Variants in AOPEP observed in about 807,000 individuals in gnomAD.
AOPEP encodes aminopeptidase O.
AOPEP carries 77 observed loss-of-function variants against 98.1 expected under a neutral mutation model. The ratio of observed to expected loss-of-function variants is 0.78; its 90% CI spans 0.65 to 0.95. AOPEP has a LOEUF of 0.95. AOPEP is among the 40% of genes least tolerant of loss of function. AOPEP has a pLI of 0.00. For missense variants in AOPEP, 1,024 were observed against 1,024.7 expected (o/e 1.00, Z 0.01); for synonymous variants, 346 against 365.3 (o/e 0.95, Z 0.60).
intron 13 of AOPEP, among the ~76,000 whole-genome samples, chr9:95,045,719 A>G (rs1675059344): frequency 6.6e-6 from 1 of 152,036 alleles, no homozygotes; most frequent in Non-Finnish European, 1.5e-5. Flanking sequence ...TCGTGCTTCT[A>G]ATTTAAATAG....
At chr9:95,060,915 C>CA in intron 14 of AOPEP, 105 bp downstream of exon 14, 1 of 766,770 alleles carries the variant, frequency 1.3e-6, no homozygotes, top group Non-Finnish European at 2.4e-6. Context: ...TTTCTATTAG[C>CA]AAAATCTCAT....
intron 1 of AOPEP, among the ~76,000 whole-genome samples, chr9:94,742,496 C>T (rs977215504): frequency 8.6e-5 from 13 of 151,684 alleles, no homozygotes; most frequent in South Asian, 2.1e-4. Flanking sequence ...TGCAGTGGCG[C>T]GATCCTTGGC....
chr9:94,903,641 A>G (rs2050727785), intron 5 of AOPEP, among the ~76,000 whole-genome samples: 1 of 136,234 alleles, frequency 7.3e-6, no homozygotes, highest in African/African-American at 2.7e-5. Flanking sequence ...AAAAAAAAAC[A>G]GTTTTCAAGT....
chr9:94,760,878 A>G (rs947232025), intron 2 of AOPEP: 60 of 258,350 alleles, frequency 2.3e-4, no homozygotes, highest in Non-Finnish European at 4.0e-4. Flanking sequence ...CTCCATTGAG[A>G]TCTCTGCTGG....
intron 3 of AOPEP, among the ~76,000 whole-genome samples, chr9:94,784,435 G>A (rs1227373254): frequency 1.3e-5 from 2 of 152,080 alleles, no homozygotes; most frequent in Non-Finnish European, 2.9e-5. Context: ...CTCATGAACT[G>A]ACTACTCCTT....
chr9:94,798,161 C>A (rs1847441098), intron 4 of AOPEP, among the ~76,000 whole-genome samples: 1 of 152,172 alleles, frequency 6.6e-6, no homozygotes, highest in Non-Finnish European at 1.5e-5. Context: ...GTTTCCTGAT[C>A]CCTATGTGGG....
chr9:94,973,357 C>T (rs10993422), intron 10 of AOPEP, among the ~76,000 whole-genome samples: 11,820 of 152,206 alleles, frequency 0.078, 1,150 homozygotes, highest in African/African-American at 0.23. Flanking sequence ...ATCAACTGAG[C>T]GAGCAAATAC....
At chr9:94,943,572 C>T (rs549515439) in intron 7 of AOPEP, among the ~76,000 whole-genome samples, 11 of 145,490 alleles carry the variant, frequency 7.6e-5, no homozygotes, top group African/African-American at 1.8e-4. Context: ...CCAGCCTAGG[C>T]GACAGAGTGG....
intron 16 of AOPEP, chr9:95,085,927 C>T: frequency 7.9e-7 from 1 of 1,267,314 alleles, no homozygotes; most frequent in Non-Finnish European, 1.0e-6. Flanking sequence ...CTTGTATTTG[C>T]AGTCCAGGCC....
chr9:94,774,446 TC>T (rs1841635108), intron 3 of AOPEP, among the ~76,000 whole-genome samples: 1 of 152,070 alleles, frequency 6.6e-6, no homozygotes, highest in African/African-American at 2.4e-5. Context: ...ACATTTCCTT[TC>T]AGTATTTAAA....
chr9:95,030,681 T>C (rs530414401), intron 13 of AOPEP, among the ~76,000 whole-genome samples: 211 of 151,274 alleles, frequency 1.4e-3, no homozygotes, highest in East Asian at 8.8e-3. Flanking sequence ...CTGTGTCTCT[T>C]CTTCCTCTCT....
chr9:94,771,963 C>G (rs1325408050), intron 2 of AOPEP, among the ~76,000 whole-genome samples: 2 of 152,132 alleles, frequency 1.3e-5, no homozygotes, highest in African/African-American at 4.8e-5. Flanking sequence ...TTTCTCTTTT[C>G]CATACTAGAC....
chr9:94,733,111 T>C (rs1460679476), intron 1 of AOPEP, among the ~76,000 whole-genome samples: 2 of 149,696 alleles, frequency 1.3e-5, no homozygotes, highest in African/African-American at 4.9e-5. Flanking sequence ...TTCTCTTTTT[T>C]TTTTTTTTTT....
At chr9:95,016,575 C>T (rs1016040722) in intron 13 of AOPEP, among the ~76,000 whole-genome samples, 2 of 151,894 alleles carry the variant, frequency 1.3e-5, no homozygotes, top group African/African-American at 4.8e-5. Context: ...GGTTGTCATT[C>T]AGATAGCATC....
chr9:94,743,193 A>G (rs7853392), intron 1 of AOPEP, among the ~76,000 whole-genome samples: 219 of 121,986 alleles, frequency 1.8e-3, no homozygotes, highest in African/African-American at 5.9e-3. Flanking sequence ...AAGAAGAAGA[A>G]GAAGAAGAGG....
intron 5 of AOPEP, among the ~76,000 whole-genome samples, chr9:94,875,986 A>G (rs887552444): frequency 6.6e-6 from 1 of 152,260 alleles, no homozygotes; most frequent in African/African-American, 2.4e-5. Flanking sequence ...TACTATTATG[A>G]TGACTTCCAA....
intron 9 of AOPEP, among the ~76,000 whole-genome samples, chr9:94,966,954 A>C (rs189786023): frequency 7.9e-4 from 120 of 152,274 alleles, no homozygotes; most frequent in African/African-American, 2.8e-3. Context: ...AGTAAATAAG[A>C]GATATTTACT....
At chr9:94,928,808 G>A (rs934440664) in intron 7 of AOPEP, 8 of 357,042 alleles carry the variant, frequency 2.2e-5, no homozygotes, top group East Asian at 1.3e-4. Context: ...GTCACTTTAC[G>A]TGGTGGCTGC....
intron 1 of AOPEP, among the ~76,000 whole-genome samples, chr9:94,755,936 G>A (rs1438680138): frequency 1.3e-5 from 2 of 152,188 alleles, no homozygotes; most frequent in Non-Finnish European, 2.9e-5. Flanking sequence ...CTTAAAGTAG[G>A]CCAAATGAAG....
Sources: gnomAD v4.1 joint callset for allele counts (sites outside exome capture counted in the v4.1 genomes callset) on GRCh38, gnomAD v4.1.1 for gene constraint, MANE v1.5 for transcripts, NCBI Gene and HGNC (gene_info 2026-07-23, HGNC 2026-07-21) for gene names.